Variants in FHOD3 observed in about 807,000 individuals in gnomAD.
FHOD3 encodes FH1/FH2 domain-containing protein 3.
Under a neutral mutation model 173.0 loss-of-function variants are expected in FHOD3, and 90 were observed. The ratio of observed to expected loss-of-function variants is 0.52; its 90% confidence interval spans 0.44 to 0.62. FHOD3 has a LOEUF of 0.62. FHOD3 is among the 20% of genes least tolerant of loss of function. The pLI is 0.00. For synonymous variants in FHOD3, 828 were observed against 823.0 expected (o/e 1.01, Z -0.10); for missense variants, 1,945 against 2,034.7 (o/e 0.96, Z 0.85).
At chr18:36,748,064 C>G (rs1181363598) in intron 24 of FHOD3, among the ~76,000 whole-genome samples, 1 of 152,114 alleles carries the variant, frequency 6.6e-6, no homozygotes, top group Non-Finnish European at 1.5e-5. Flanking sequence ...GGTCTCCATT[C>G]AGACCACTGA....
At chr18:36,476,234 G>T (rs1382404122) in intron 3 of FHOD3, among the ~76,000 whole-genome samples, 3 of 152,212 alleles carry the variant, frequency 2.0e-5, no homozygotes, top group Non-Finnish European at 4.4e-5. Flanking sequence ...GACAGCTCCT[G>T]TTCCGCTGGG....
intron 5 of FHOD3, among the ~76,000 whole-genome samples, chr18:36,515,201 C>T (rs971448059): frequency 2.6e-5 from 4 of 152,108 alleles, no homozygotes; most frequent in Admixed American, 2.0e-4. Context: ...TACCATGAAG[C>T]TTACAGCCGT....
At chr18:36,359,950 A>G (rs2046530481) in intron 2 of FHOD3, among the ~76,000 whole-genome samples, 1 of 152,262 alleles carries the variant, frequency 6.6e-6, no homozygotes, top group South Asian at 2.1e-4. Flanking sequence ...AATGGGAACC[A>G]CTGGAATTTA....
chr18:36,674,271 A>G (rs918483716), intron 14 of FHOD3, among the ~76,000 whole-genome samples: 1 of 152,240 alleles, frequency 6.6e-6, no homozygotes, highest in African/African-American at 2.4e-5. Flanking sequence ...TGACAGCCTC[A>G]TGACTAGAAA....
chr18:36,407,311 T>C (rs1291382689), intron 3 of FHOD3, among the ~76,000 whole-genome samples: 3 of 152,234 alleles, frequency 2.0e-5, no homozygotes, highest in Non-Finnish European at 4.4e-5. Context: ...ATTCTCTTTT[T>C]GCTCCAGTCT....
intron 5 of FHOD3, among the ~76,000 whole-genome samples, chr18:36,557,260 C>T (rs1568423938): frequency 6.6e-6 from 1 of 152,096 alleles, no homozygotes; most frequent in Non-Finnish European, 1.5e-5. Context: ...CCTCCTTCAT[C>T]TTCTCTCTGT....
intron 5 of FHOD3, among the ~76,000 whole-genome samples, chr18:36,548,323 G>T (rs1367420028): frequency 2.6e-5 from 4 of 152,166 alleles, no homozygotes; most frequent in African/African-American, 9.7e-5. Flanking sequence ...TTGTTATGGT[G>T]ATATTTCCTG....
chr18:36,479,927 A>G lies in FHOD3; in HGVS notation c.338-22005A>G, dbSNP rs111936164. 2.4e-3 allele frequency among the ~76,000 whole-genome samples: 358 copies of G among 152,312 alleles called. 4 individuals carry two copies. Among genetic ancestry groups the G allele is most frequent in the African/African-American group, 8.4e-3 (349 of 41,578 alleles). On this transcript the variant is annotated intron_variant, in intron 3 of 28. Transcript: ENST00000590592. ...ACAGTTCTTCCTCAGCTGCAGCTTC[A>G]GGGGGCAGAATCAGAAGCAAATTAA...
At position 36,717,990 on chromosome 18, in the gene FHOD3, G is replaced by A. The variant is rs2040553050; in HGVS notation, c.2692G>A (p.Glu898Lys). ...TGGGGAGGCTGGGAGGACCCAGCAG[G>A]AGGCAGAGGCGGTAGCCAGCCTTGC... The part of the protein sequence containing the change: ...GDGEAGRTQQ[E>K]AEAVASLATR... The change falls in exon 19 of 29, where the codon GAG becomes AAG. Residue 898 changes from glutamate to lysine, a missense_variant. Glu to Lys is a moderately conservative substitution (Grantham distance 56). Transcript: ENST00000590592. 1 of 1,613,024 alleles carries A rather than the reference G, an allele frequency of 6.2e-7. No individual in the cohort carries two copies. Among genetic ancestry groups the A allele is most frequent in the South Asian group, 1.1e-5 (1 of 90,832 alleles).
At chr18:36,737,762 GAT>G (rs1475802061) in intron 20 of FHOD3, among the ~76,000 whole-genome samples, 5 of 152,236 alleles carry the variant, frequency 3.3e-5, no homozygotes, top group Non-Finnish European at 7.3e-5. Flanking sequence ...GATACGTCCT[GAT>G]GCACACTTGT....
At chr18:36,609,301 G>A (rs975000704) in intron 8 of FHOD3, among the ~76,000 whole-genome samples, 2 of 152,126 alleles carry the variant, frequency 1.3e-5, no homozygotes, top group Non-Finnish European at 2.9e-5. Flanking sequence ...AACTGGGAGG[G>A]GAGGCCCAGG....
intron 20 of FHOD3, among the ~76,000 whole-genome samples, chr18:36,731,957 A>G (rs1202102097): frequency 6.6e-6 from 1 of 152,234 alleles, no homozygotes; most frequent in Non-Finnish European, 1.5e-5. Context: ...CTTATTTGGA[A>G]AAAGGGTCTT....
At chr18:36,489,178 G>A (rs956190298) in intron 3 of FHOD3, among the ~76,000 whole-genome samples, 9 of 152,224 alleles carry the variant, frequency 5.9e-5, no homozygotes, top group Non-Finnish European at 7.3e-5. Flanking sequence ...AACTGGAAGG[G>A]ATGGTTTCCT....
At position 36,681,618 on chromosome 18, in the gene FHOD3, AG is replaced by A. The variant is rs34100890; in HGVS notation, c.1970+50del. ...TTTTAAATAGTGAGTTAAAAATTAAAGGCATGTGACTTTACAACTGTATACA... is the reference window on the plus strand; with the variant it reads ...TTTTAAATAGTGAGTTAAAAATTAAAGCATGTGACTTTACAACTGTATACA... On this transcript the variant is annotated intron_variant, in intron 15 of 28. Transcript: ENST00000590592. 0.64 allele frequency: 1,020,590 copies of A among 1,584,386 alleles called. 331,230 individuals are homozygous for A. Among genetic ancestry groups the A allele is most frequent in the African/African-American group, 0.73 (53,909 of 73,564 alleles).
intron 3 of FHOD3, among the ~76,000 whole-genome samples, chr18:36,376,224 G>A (rs2047434379): frequency 6.6e-6 from 1 of 152,174 alleles, no homozygotes; most frequent in Non-Finnish European, 1.5e-5. Context: ...AATAAGGTTT[G>A]AAGTCGTTAA....
At chr18:36,332,303 C>T (rs73949438) in intron 1 of FHOD3, among the ~76,000 whole-genome samples, 8,026 of 152,176 alleles carry the variant, frequency 0.053, 426 homozygotes, top group African/African-American at 0.13. Flanking sequence ...TCCAGGTGGC[C>T]CTATTTATTT....
chr18:36,672,711 A>G (rs1054373767), intron 14 of FHOD3, among the ~76,000 whole-genome samples: 2 of 152,202 alleles, frequency 1.3e-5, no homozygotes, highest in African/African-American at 4.8e-5. Context: ...TTGCTGCAAT[A>G]TTCTGTGTCT....
At chr18:36,363,911 A>G (rs1046103461) in intron 2 of FHOD3, among the ~76,000 whole-genome samples, 2 of 152,128 alleles carry the variant, frequency 1.3e-5, no homozygotes, top group Non-Finnish European at 2.9e-5. Flanking sequence ...GGCAGTGTGG[A>G]TATATGAGAA....
intron 28 of FHOD3, among the ~76,000 whole-genome samples, chr18:36,773,432 T>G (rs2043483925): frequency 6.6e-6 from 1 of 152,186 alleles, no homozygotes; most frequent in African/African-American, 2.4e-5. Flanking sequence ...GTTTCCGTCT[T>G]TCATCATTTT....
Sources: gnomAD v4.1 joint callset for allele counts (sites outside exome capture counted in the v4.1 genomes callset) on GRCh38, gnomAD v4.1.1 for gene constraint, MANE v1.5 for transcripts, NCBI Gene and HGNC (gene_info 2026-07-23, HGNC 2026-07-21) for gene names.